CCDC102B: variants seen among roughly 807,000 people sequenced by gnomAD.
CCDC102B encodes coiled-coil domain-containing protein 102B.
A neutral mutation model predicts 57.4 loss-of-function variants in CCDC102B; 75 were observed. That is an observed-to-expected ratio of 1.31 (90% confidence interval 1.08 to 1.58). The LOEUF (loss-of-function observed/expected upper bound fraction) is 1.58. Among genes scored for constraint, CCDC102B ranks in the 40% most tolerant of loss-of-function variants. CCDC102B has a pLI of 0.00. For missense variants in CCDC102B, 636 were observed against 582.6 expected (o/e 1.09, Z -0.94); for synonymous variants, 206 against 201.9 (o/e 1.02, Z -0.17).
At chr18:68,718,954 A>G (rs1413675182) in intron 2 of CCDC102B, among the ~76,000 whole-genome samples, 1 of 152,200 alleles carries the variant, frequency 6.6e-6, no homozygotes, top group East Asian at 1.9e-4. Flanking sequence ...TATAATCTTT[A>G]TTTATTCAGT....
Position 68,911,884 on chromosome 18 carries a change from G to C in CCDC102B, c.1263+14456G>C, listed in dbSNP as rs1021035716. Reference sequence around the variant, plus strand: ...TTTACCTACATGTACCCCTGAACATGAAAACAAAAAAGTAAAAAAAAAGTT... The same window carrying C: ...TTTACCTACATGTACCCCTGAACATCAAAACAAAAAAGTAAAAAAAAAGTT... On this transcript the variant is annotated intron_variant, in intron 6 of 7. Coordinates refer to ENST00000360242, the MANE Select transcript of CCDC102B (RefSeq NM_024781.3). Among the ~76,000 whole-genome samples the C allele has an allele frequency of 3.9e-5, 5 of 127,114 alleles. No individual in the cohort carries two copies. In the South Asian group the frequency reaches 8.0e-4, roughly 20 times the overall value. 83.4% of individuals were successfully genotyped at this position (127,114 alleles called of 152,430 possible). A position where few individuals can be genotyped will look rare whatever the true frequency, so the allele number is the denominator to read the frequency against.
intron 5 of CCDC102B, among the ~76,000 whole-genome samples, chr18:68,878,833 T>C (rs536840446): frequency 1.3e-5 from 2 of 152,168 alleles, no homozygotes; most frequent in Non-Finnish European, 2.9e-5. Flanking sequence ...TCAAAAAAAC[T>C]AGTGGCGGTG....
chr18:68,858,292 C>A (rs2038575325), intron 4 of CCDC102B, among the ~76,000 whole-genome samples: 1 of 152,148 alleles, frequency 6.6e-6, no homozygotes, highest in Admixed American at 6.5e-5. Context: ...ATGTGCACAT[C>A]AAATTGTCTT....
chr18:68,748,145 G>C (rs1178967406), intron 2 of CCDC102B, among the ~76,000 whole-genome samples: 1 of 149,550 alleles, frequency 6.7e-6, no homozygotes. Flanking sequence ...ATACTTGATG[G>C]CCATTTATAT....
intron 6 of CCDC102B, among the ~76,000 whole-genome samples, chr18:68,980,499 G>A (rs1413549912): frequency 6.6e-6 from 1 of 151,512 alleles, no homozygotes; most frequent in African/African-American, 2.4e-5. Context: ...ATACCTAACT[G>A]TATACTCCCT....
intron 6 of CCDC102B, among the ~76,000 whole-genome samples, chr18:69,001,331 GTT>G (rs1555669820): frequency 7.4e-6 from 1 of 135,106 alleles, no homozygotes; most frequent in East Asian, 2.2e-4. Flanking sequence ...TGTTGTTGTT[GTT>G]TGCTGTTGTT....
At chr18:68,765,337 G>GAA (rs1423963045) in intron 2 of CCDC102B, among the ~76,000 whole-genome samples, 1 of 87,420 alleles carries the variant, frequency 1.1e-5, no homozygotes, top group Non-Finnish European at 2.4e-5. Context: ...AAGAAAGAAA[G>GAA]AAAGAAAGAA....
intron 2 of CCDC102B, among the ~76,000 whole-genome samples, chr18:68,742,797 C>A (rs2033447747): frequency 6.6e-6 from 1 of 152,122 alleles, no homozygotes; most frequent in African/African-American, 2.4e-5. Flanking sequence ...GCTTTGTTTT[C>A]TAAATGTGCT....
intron 7 of CCDC102B, among the ~76,000 whole-genome samples, chr18:69,031,511 T>C (rs1292424777): frequency 6.6e-6 from 1 of 152,036 alleles, no homozygotes; most frequent in East Asian, 1.9e-4. Context: ...GCATTTTTCC[T>C]TCAAATTTGG....
chr18:69,040,163 G>A (rs1434155278), intron 7 of CCDC102B, among the ~76,000 whole-genome samples: 1 of 151,898 alleles, frequency 6.6e-6, no homozygotes, highest in Non-Finnish European at 1.5e-5. Flanking sequence ...TTCAACTGCA[G>A]ATCCTATGAA....
intron 2 of CCDC102B, among the ~76,000 whole-genome samples, chr18:68,757,482 G>C (rs998039791): frequency 6.6e-6 from 1 of 151,946 alleles, no homozygotes; most frequent in East Asian, 1.9e-4. Context: ...ATAACAAACT[G>C]GTCAACCAGA....
chr18:68,965,893 C>T (rs569089520), intron 6 of CCDC102B, among the ~76,000 whole-genome samples: 150 of 152,128 alleles, frequency 9.9e-4, no homozygotes, highest in African/African-American at 3.5e-3. Context: ...CCTGTTAATT[C>T]CAGGTTTTGG....
At chr18:69,025,580 G>A (rs1356730391) in intron 7 of CCDC102B, among the ~76,000 whole-genome samples, 1 of 152,132 alleles carries the variant, frequency 6.6e-6, no homozygotes, top group Admixed American at 6.5e-5. Context: ...TACCAAGCAA[G>A]TCATATTTTA....
At chr18:68,821,209 A>G in intron 1 of CCDC102B, among the ~76,000 whole-genome samples, 1 of 152,116 alleles carries the variant, frequency 6.6e-6, no homozygotes, top group East Asian at 1.9e-4. Context: ...AAAAAACACT[A>G]AAAATAAATT....
chr18:69,020,372 G>A (rs924026587), intron 7 of CCDC102B, among the ~76,000 whole-genome samples: 5 of 152,016 alleles, frequency 3.3e-5, no homozygotes, highest in Non-Finnish European at 7.4e-5. Context: ...TGAGCTAGGC[G>A]CACTGTATGG....
intron 6 of CCDC102B, among the ~76,000 whole-genome samples, chr18:68,974,877 T>C (rs2145271017): frequency 6.6e-6 from 1 of 152,128 alleles, no homozygotes; most frequent in East Asian, 1.9e-4. Context: ...TACTGTTTAC[T>C]TCCATCTTTA....
At chr18:68,830,793 C>T (rs527865574) in intron 1 of CCDC102B, among the ~76,000 whole-genome samples, 267 of 151,838 alleles carry the variant, frequency 1.8e-3, no homozygotes, top group Non-Finnish European at 2.9e-3. Context: ...ATCCCAAGTA[C>T]TTCATAAGAG....
chr18:68,993,607 C>T (rs2050936319), intron 6 of CCDC102B, among the ~76,000 whole-genome samples: 2 of 152,150 alleles, frequency 1.3e-5, no homozygotes, highest in Admixed American at 1.3e-4. Flanking sequence ...AATTCTGCAG[C>T]TTGCTTTTGA....
intron 1 of CCDC102B, among the ~76,000 whole-genome samples, chr18:68,818,607 C>G (rs970912409): frequency 1.3e-5 from 2 of 152,118 alleles, no homozygotes; most frequent in African/African-American, 2.4e-5. Context: ...TCTTTTTGAA[C>G]TTATTATAAT....
Sources: allele counts gnomAD v4.1 joint callset (sites outside exome capture counted in the v4.1 genomes callset), GRCh38; gene constraint gnomAD v4.1.1; transcripts MANE v1.5; gene names NCBI Gene and HGNC (gene_info 2026-07-23, HGNC 2026-07-21).